The following CELSR3 variants were observed in gnomAD, a reference collection of about 807,000 sequenced individuals.
CELSR3 encodes cadherin EGF LAG seven-pass G-type receptor 3.
A neutral mutation model predicts 270.0 loss-of-function variants in CELSR3; 73 were observed. The ratio of observed to expected loss-of-function variants is 0.27; its 90% confidence interval spans 0.22 to 0.33. CELSR3 has a LOEUF of 0.33. Among genes scored for constraint, CELSR3 ranks in the 10% least tolerant of loss-of-function variants. The pLI is 1.00. For missense variants in CELSR3, 3,614 were observed against 4,533.8 expected, an observed-to-expected ratio of 0.80 and a Z score of 5.83; for synonymous variants, 1,780 against 1,905.4, an observed-to-expected ratio of 0.93 and a Z score of 1.71.
Position 48,642,288 on chromosome 3 carries a change from G to A in CELSR3, c.8665+70C>T. ...CCCAGTCAGCCACTGCTCCCAGTAT[G>A]GGGTAGAAGAAAAGGGGATGGGGAG... On this transcript the variant is annotated intron_variant, in intron 31 of 34. Transcript: ENST00000164024. The surrounding 1 kb of genome is among the most constrained non-coding windows in gnomAD (Gnocchi z 6.1). The A allele has an allele frequency of 2.7e-6, 4 of 1,504,450 alleles. No homozygotes were observed. Among genetic ancestry groups the A allele is most frequent in the Non-Finnish European group, 3.6e-6 (4 of 1,107,424 alleles). 93.2% of individuals were successfully genotyped at this position (1,504,450 alleles called of 1,614,324 possible).
chr3:48,645,486 G>T lies in CELSR3; in HGVS notation c.7754C>A (p.Ala2585Glu). 2 of 1,612,820 alleles carry T rather than the reference G, an allele frequency of 1.2e-6. No individual in the cohort carries two copies. The highest frequency in any genetic ancestry group is 1.7e-6 in the Non-Finnish European group (2 of 1,180,010). The part of the protein sequence containing the change: ...HANVAAALGV[A>E]ELLFLLGIHR... The stretch of plus-strand genomic sequence containing the variant: ...AATCCCCAGCAGGAAGAGGAGCTCT[G>T]CCACCCCCAGGGCGGCTGCCACATT... Residue 2585 changes from alanine (A) to glutamate (E), a missense_variant, in exon 24 of 35, where the codon GCA (alanine) becomes GAA (glutamate). By Grantham distance (107) the Ala-to-Glu change is moderately radical. Transcript: ENST00000164024. The surrounding 1 kb of genome is among the most constrained non-coding windows in gnomAD (Gnocchi z 5.4).
At position 48,660,344 on chromosome 3, in the gene CELSR3, C is replaced by T. The variant is rs768721667; in HGVS notation, c.2291G>A (p.Arg764Gln). Residue 764 changes from arginine to glutamine, a missense_variant, in exon 1 of 35, where the codon CGA becomes CAA. Around this residue, in one of 7 missense-constraint regions of CELSR3, gnomAD observed 215 missense variants for 241.2 expected, o/e 0.89. Coordinates refer to ENST00000164024, the MANE Select transcript of CELSR3 (RefSeq NM_001407.3). This position sits in a 1 kb window ranked among gnomAD's most constrained non-coding sequence, Gnocchi z 5.5. Reference sequence around the variant, plus strand: ...GCCCACAGCTGCATCCTCATTCAGTCGTAGGTGGTACTCCTTCATTGTGAA... The same window carrying T: ...GCCCACAGCTGCATCCTCATTCAGTTGTAGGTGGTACTCCTTCATTGTGAA... ...PEFTMKEYHL[R>Q]LNEDAAVGTS... The T allele has an allele frequency of 2.5e-6, 4 of 1,614,144 alleles. No individual in the cohort carries two copies. The highest frequency in any genetic ancestry group is 3.4e-6 in the Non-Finnish European group (4 of 1,180,026).
chr3:48,652,052 T>C lies in CELSR3; in HGVS notation c.5752-4A>G. The C allele has an allele frequency of 6.5e-7, 1 of 1,532,600 alleles. No individual in the cohort carries two copies. Among genetic ancestry groups the C allele is most frequent in the South Asian group, 1.3e-5 (1 of 78,110 alleles). The allele number at this position is 1,532,600 out of a possible 1,614,324, so 94.9% of individuals were successfully genotyped here. A position where few individuals can be genotyped will look rare whatever the true frequency, so the allele number is the denominator to read the frequency against. On this transcript the variant is annotated splice_polypyrimidine_tract_variant and splice_region_variant and intron_variant, in intron 11 of 34. Transcript: ENST00000164024. The surrounding 1 kb of genome is among the most constrained non-coding windows in gnomAD (Gnocchi z 4.3). ...GTGTGGAGCCGAGCCACACCCCCTG[T>C]GGACACACAGCCAGCAAGGGGTGAG... is the stretch of plus-strand genomic sequence containing the variant.
chr3:48,656,449 C>T (rs2077023089), intron 2 of CELSR3, 84 bp from the exon 3 acceptor site: 3 of 1,288,954 alleles, frequency 2.3e-6, no homozygotes, highest in East Asian at 2.9e-5. Flanking sequence ...GCCCAGAGGC[C>T]GGGTGCCAAG....
chr3:48,644,908 G>T lies in CELSR3; in HGVS notation c.7973-80C>A. On this transcript the variant is annotated intron_variant, in intron 25 of 34. Coordinates refer to ENST00000164024, the MANE Select transcript of CELSR3 (RefSeq NM_001407.3). The surrounding 1 kb of genome is among the most constrained non-coding windows in gnomAD (Gnocchi z 4.8). ...CCCATGTATGGGAGAAAGCATGGGT[G>T]AGGGCAGAGCAGCAACCCCATGAAT... 3.3e-6 allele frequency: 5 copies of T among 1,519,166 alleles called. No individual in the cohort carries two copies. Among genetic ancestry groups the T allele is most frequent in the Non-Finnish European group, 4.5e-6 (5 of 1,103,986 alleles). 94.1% of individuals were successfully genotyped at this position (1,519,166 alleles called of 1,614,324 possible).
At position 48,648,315 on chromosome 3, in the gene CELSR3, A is replaced by G; in HGVS notation, c.6924T>C (p.Asn2308=). Residue 2308 remains asparagine (N), a synonymous_variant, in exon 19 of 35, where the codon AAT becomes AAC. Transcript: ENST00000164024. ...TGGGATTCAGGTATGTGAGTTCCAT[A>G]TTCCTTGCGAGTGTGGCTGCATACT... ...LEEYAATLAR[N]MELTYLNPMG... 6.2e-7 allele frequency: 1 copy of G among 1,611,800 alleles called. No individual in the cohort carries two copies.
In CELSR3 at chr3:48,657,216, C is replaced by T. The variant is rs142770667; in HGVS notation, c.3881G>A (p.Arg1294His). The T allele has an allele frequency of 5.5e-5, 88 of 1,613,596 alleles. No individual in the cohort carries two copies. The highest frequency in any genetic ancestry group is 7.3e-5 in the Non-Finnish European group (86 of 1,179,904). Residue 1294 changes from arginine (R) to histidine (H), a missense_variant, in exon 2 of 35, where the codon CGC becomes CAC. Around this residue, in one of 7 missense-constraint regions of CELSR3, gnomAD observed 1,331 missense variants for 1,933.7 expected, o/e 0.69. Coordinates refer to ENST00000164024, the MANE Select transcript of CELSR3 (RefSeq NM_001407.3). The surrounding 1 kb of genome is among the most constrained non-coding windows in gnomAD (Gnocchi z 5.4). ...QERFLSPLLG[R>H]FLEGVAAVLA... ...CACCGCAGCCACGCCCTCGAGGAAG[C>T]GGCCCAGCAGCGGTGACAGGAAGCG...
Position 48,655,300 on chromosome 3 carries a change from C to T in CELSR3, c.4830+6G>A, listed in dbSNP as rs1447759102. 4 of 1,613,966 alleles carry T rather than the reference C, an allele frequency of 2.5e-6. No individual in the cohort carries two copies. Among genetic ancestry groups the T allele is most frequent in the South Asian group, 1.1e-5 (1 of 91,090 alleles). On this transcript the variant is annotated splice_donor_region_variant and intron_variant, in intron 5 of 34. Coordinates refer to ENST00000164024, the MANE Select transcript of CELSR3 (RefSeq NM_001407.3). The surrounding 1 kb of genome is among the most constrained non-coding windows in gnomAD (Gnocchi z 5.8). ...CCTCATACCCGATGCCAGGGATGGC[C>T]CCCACCTTGTTGTAGTATCTCAGAT... is the stretch of plus-strand genomic sequence containing the variant.
At position 48,657,101 on chromosome 3, in the gene CELSR3, C is replaced by G; in HGVS notation, c.3996G>C (p.Ala1332=). ...CCGCCCCGGCCCCACGTGGAGCTAG[C>G]GCCGAGAAACTCACATTGAGCACGG... ...GGTVLNVSFS[A]LAPRGAGAGA... Residue 1332 remains alanine, a synonymous_variant, in exon 2 of 35, where the codon GCG becomes GCC. Coordinates refer to ENST00000164024, the MANE Select transcript of CELSR3 (RefSeq NM_001407.3). This position sits in a 1 kb window ranked among gnomAD's most constrained non-coding sequence, Gnocchi z 5.4. The G allele has an allele frequency of 6.2e-7, 1 of 1,613,916 alleles. No individual in the cohort carries two copies. The highest frequency in any genetic ancestry group is 8.5e-7 in the Non-Finnish European group (1 of 1,179,970).
chr3:48,638,240 C>A lies in CELSR3; in HGVS notation c.9912-8G>T. 1.2e-6 allele frequency: 2 copies of A among 1,611,914 alleles called. No individual in the cohort carries two copies. Among genetic ancestry groups the A allele is most frequent in the East Asian group, 2.2e-5 (1 of 44,878 alleles). On this transcript the variant is annotated splice_polypyrimidine_tract_variant and splice_region_variant and intron_variant, in intron 34 of 34. Transcript: ENST00000164024. ...CCCTCACTTCTGGGAACTCTGGAGG[C>A]ACATGAGGAAATCAGAGGTTGATGC...
chr3:48,657,297 G>T lies in CELSR3; in HGVS notation c.3800C>A (p.Thr1267Lys), dbSNP rs2077031888. The change falls in exon 2 of 35, where the codon ACG becomes AAG. Residue 1267 changes from threonine (T) to lysine (K), a missense_variant. Transcript: ENST00000164024. This position sits in a 1 kb window ranked among gnomAD's most constrained non-coding sequence, Gnocchi z 5.4. ...AQCVLRVVIITEELLANSLTV... is the reference protein window; with the variant it reads ...AQCVLRVVIIKEELLANSLTV... ...CAGGCTGTTGGCCAGCAACTCCTCCGTGATGATGACCACGCGCAGCACACA... is the reference window on the plus strand; with the variant it reads ...CAGGCTGTTGGCCAGCAACTCCTCCTTGATGATGACCACGCGCAGCACACA... 1 of 1,610,644 alleles carries T rather than the reference G, an allele frequency of 6.2e-7. No homozygotes were observed. Among genetic ancestry groups the T allele is most frequent in the Non-Finnish European group, 8.5e-7 (1 of 1,178,764 alleles).
chr3:48,642,977 G>T lies in CELSR3; in HGVS notation c.8396C>A (p.Ala2799Glu). The T allele has an allele frequency of 6.2e-7, 1 of 1,612,288 alleles. No individual in the cohort carries two copies. The highest frequency in any genetic ancestry group is 8.5e-7 in the Non-Finnish European group (1 of 1,179,494). ...CCCATCCCGACTCACCAGCCCAGGT[G>T]CTGGCCTTGCCTCCTCAGGCGCTGC... ...RKAAPEEARP[A>E]PGLGPGAYNN... The change falls in exon 29 of 35, where the codon GCA (alanine) becomes GAA (glutamate). Residue 2799 changes from alanine to glutamate, a missense_variant. By Grantham distance (107) the Ala-to-Glu change is moderately radical. Coordinates refer to ENST00000164024, the MANE Select transcript of CELSR3 (RefSeq NM_001407.3). The surrounding 1 kb of genome is among the most constrained non-coding windows in gnomAD (Gnocchi z 6.1).
Position 48,650,543 on chromosome 3 carries a change from C to G in CELSR3, c.6409G>C (p.Val2137Leu). 5 of 1,603,888 alleles carry G rather than the reference C, an allele frequency of 3.1e-6. No homozygotes were observed. The highest frequency in any genetic ancestry group is 3.4e-6 in the Non-Finnish European group (4 of 1,177,272). The change falls in exon 16 of 35, where the codon GTG becomes CTG. Residue 2137 changes from valine (V) to leucine (L), a missense_variant. Physicochemically the swap from Val to Leu is conservative, Grantham distance 32. Around this residue, in one of 7 missense-constraint regions of CELSR3, gnomAD observed 1,331 missense variants for 1,933.7 expected, o/e 0.69. Transcript: ENST00000164024. This position sits in a 1 kb window ranked among gnomAD's most constrained non-coding sequence, Gnocchi z 5.1. ...DACPKSLRSGVWWPQTKFGVL... is the reference protein window; with the variant it reads ...DACPKSLRSGLWWPQTKFGVL... ...CCAAACTTTGTCTGGGGCCACCACA[C>G]ACCAGATCTCAGGGACTTAGGGCAG...
At position 48,651,829 on chromosome 3, in the gene CELSR3, C is replaced by T; in HGVS notation, c.5923+48G>A. ...GGTTCCCCAGTCTTCATCATGGGCC[C>T]CTAACGCCTGCCCAGGTCACCCTTC... is the stretch of plus-strand genomic sequence containing the variant. On this transcript the variant is annotated intron_variant, in intron 12 of 34. Transcript: ENST00000164024. The surrounding 1 kb of genome is among the most constrained non-coding windows in gnomAD (Gnocchi z 7.4). 1.3e-6 allele frequency: 2 copies of T among 1,569,740 alleles called. No individual in the cohort carries two copies. Among genetic ancestry groups the T allele is most frequent in the South Asian group, 2.4e-5 (2 of 83,162 alleles).
rs200733728 is a variant in CELSR3 at position 48,660,991 on chromosome 3, C to T, written c.1644G>A (p.Lys548=). The T allele has an allele frequency of 8.7e-6, 14 of 1,613,948 alleles. No homozygotes were observed. In the East Asian group the frequency reaches 3.1e-4, roughly 36 times the overall value. Residue 548 remains lysine, a synonymous_variant, in exon 1 of 35, where the codon AAG becomes AAA. Coordinates refer to ENST00000164024, the MANE Select transcript of CELSR3 (RefSeq NM_001407.3). The surrounding 1 kb of genome is among the most constrained non-coding windows in gnomAD (Gnocchi z 5.5). ...ENDNAPQFSE[K]RYVAQVREDV... is the part of the protein sequence containing the mutation. ...CCTCGCGCACCTGCGCCACGTAGCGCTTCTCGCTGAACTGAGGAGCATTGT... is the reference window on the plus strand; with the variant it reads ...CCTCGCGCACCTGCGCCACGTAGCGTTTCTCGCTGAACTGAGGAGCATTGT...
Position 48,648,253 on chromosome 3 carries a change from A to AC in CELSR3, c.6973+12dup. ...CCCCTGCTGTGCCCCGCCCTACCCC[A>AC]CCCACAACGCACTGATATTAGGCGT... On this transcript the variant is annotated intron_variant, in intron 19 of 34. Coordinates refer to ENST00000164024, the MANE Select transcript of CELSR3 (RefSeq NM_001407.3). 1 of 444,038 alleles carries AC rather than the reference A, an allele frequency of 2.3e-6. No individual in the cohort carries two copies. The highest frequency in any genetic ancestry group is 3.7e-6 in the Non-Finnish European group (1 of 267,592). The allele number at this position is 444,038 out of a possible 1,614,324, so 27.5% of individuals were successfully genotyped here. A position where few individuals can be genotyped will look rare whatever the true frequency, so the allele number is the denominator to read the frequency against.
intron 18 of CELSR3, 24 bp downstream of exon 18, chr3:48,648,695 T>G: frequency 6.2e-7 from 1 of 1,602,658 alleles, no homozygotes; most frequent in Non-Finnish European, 8.5e-7. Context: ...GCCAAGGCAC[T>G]GAGAACATAG....
In CELSR3 at chr3:48,636,857, G is replaced by C. The variant is rs1391461513; in HGVS notation, c.*1348C>G. On this transcript the variant is annotated 3_prime_UTR_variant, in exon 35 of 35. Coordinates refer to ENST00000164024, the MANE Select transcript of CELSR3 (RefSeq NM_001407.3). ...ACTCTCAAGGTCTTCTGGATCTGCTGTTAAACGGGACTCAAGGCTGACCTT... is the reference window on the plus strand; with the variant it reads ...ACTCTCAAGGTCTTCTGGATCTGCTCTTAAACGGGACTCAAGGCTGACCTT... 1 of 152,254 alleles carries C rather than the reference G, an allele frequency of 6.6e-6. No individual in the cohort carries two copies. 9.4% of individuals were successfully genotyped at this position (152,254 alleles called of 1,614,324 possible).
rs1422102311 is a variant in CELSR3 at position 48,637,198 on chromosome 3, AAGG to A, written c.*1004_*1006del. On this transcript the variant is annotated 3_prime_UTR_variant, in exon 35 of 35. Coordinates refer to ENST00000164024, the MANE Select transcript of CELSR3 (RefSeq NM_001407.3). Reference sequence around the variant, plus strand: ...TCATTTTTCCCTTTTTAAGGGAATAAAGGAGGAGTGGAACGGAGTCACTTCCTG... The same window carrying A: ...TCATTTTTCCCTTTTTAAGGGAATAAAGGAGTGGAACGGAGTCACTTCCTG... The A allele has an allele frequency of 6.6e-6, 1 of 152,646 alleles. No individual in the cohort carries two copies. Among genetic ancestry groups the A allele is most frequent in the Non-Finnish European group, 1.5e-5 (1 of 68,048 alleles). The allele number at this position is 152,646 out of a possible 1,614,324, so 9.5% of individuals were successfully genotyped here.
Sources: allele counts gnomAD v4.1 joint callset, GRCh38; gene constraint gnomAD v4.1.1; regional missense constraint gnomAD v4.1.1; non-coding constraint Gnocchi (gnomAD v3.1); transcripts MANE v1.5; gene names NCBI Gene and HGNC (gene_info 2026-07-23, HGNC 2026-07-21).